Variants in EXOC6 observed in about 807,000 individuals in gnomAD.
EXOC6 encodes SEC15-like 1.
A neutral mutation model predicts 112.5 loss-of-function variants in EXOC6; 60 were observed. That is an observed-to-expected ratio of 0.53 (90% CI 0.43 to 0.66). EXOC6 has a LOEUF of 0.66. EXOC6 is among the 30% of genes least tolerant of loss of function. The pLI is 0.00. For synonymous variants in EXOC6, 295 were observed against 308.0 expected, an observed-to-expected ratio of 0.96 and a Z score of 0.44; for missense variants, 855 against 957.1, an observed-to-expected ratio of 0.89 and a Z score of 1.41.
Position 92,909,587 on chromosome 10 carries a change from A to G in EXOC6, c.619A>G (p.Ile207Val), listed in dbSNP as rs1181418918. Residue 207 changes from isoleucine (I) to valine (V), a missense_variant, in exon 6 of 22, where the codon ATT becomes GTT. Ile to Val is a conservative substitution (Grantham distance 29, BLOSUM62 3). Coordinates refer to ENST00000260762, the MANE Select transcript of EXOC6 (RefSeq NM_019053.6). The part of the protein sequence containing the change: ...MSDLKDFLES[I>V]RKHSDKIGET... ...TGATCTCAAAGACTTTTTGGAAAGT[A>G]TTCGAAAACATTCTGACAAAATAGG... is the stretch of plus-strand genomic sequence containing the variant. 6.2e-7 allele frequency: 1 copy of G among 1,612,406 alleles called. No individual in the cohort carries two copies. Among genetic ancestry groups the G allele is most frequent in the Non-Finnish European group, 8.5e-7 (1 of 1,179,104 alleles).
intron 18 of EXOC6, among the ~76,000 whole-genome samples, chr10:92,975,210 G>A (rs1842469395): frequency 6.8e-6 from 1 of 146,588 alleles, no homozygotes; most frequent in African/African-American, 2.6e-5. Flanking sequence ...GAGCGCCTCT[G>A]CCCCGCCACC....
At chr10:92,926,875 A>G (rs1031618457) in intron 8 of EXOC6, among the ~76,000 whole-genome samples, 4 of 152,120 alleles carry the variant, frequency 2.6e-5, no homozygotes, top group Non-Finnish European at 4.4e-5. Flanking sequence ...TGTTTAAATG[A>G]GGATTTAGCA....
rs183415651 is a variant in EXOC6 at position 92,977,941 on chromosome 10, A to C, written c.1953+3709A>C. On this transcript the variant is annotated intron_variant, in intron 18 of 21. Transcript: ENST00000260762. ...CCTGGTCTAACTAGATCACTCATCT[A>C]TCTGTTACGACATTTTGTATGGCTT... Among the ~76,000 whole-genome samples the C allele has an allele frequency of 3.2e-3, 485 of 152,266 alleles. 5 individuals are homozygous for C. Among genetic ancestry groups the C allele is most frequent in the African/African-American group, 0.011 (464 of 41,566 alleles).
Position 93,008,439 on chromosome 10 carries a change from C to T in EXOC6, c.2096-5755C>T, listed in dbSNP as rs1472562882. Among the ~76,000 whole-genome samples the T allele has an allele frequency of 2.6e-5, 4 of 151,988 alleles. No homozygotes were observed. In the East Asian group the frequency reaches 5.8e-4, roughly 22 times the overall value. Reference sequence around the variant, plus strand: ...CATGGCTAAATGACAAAAACAAAGACACCATAATAGGGGGGGAAGTGGGCA... The same window carrying T: ...CATGGCTAAATGACAAAAACAAAGATACCATAATAGGGGGGGAAGTGGGCA... On this transcript the variant is annotated intron_variant, in intron 19 of 21. Transcript: ENST00000260762.
At chr10:92,952,223 A>G (rs375756832) in intron 14 of EXOC6, 50 bp from the exon 15 acceptor site, 20 of 1,134,044 alleles carry the variant, frequency 1.8e-5, no homozygotes, top group Admixed American at 3.9e-5. Flanking sequence ...AGTGATTAGC[A>G]TGTCTTTTTC....
chr10:93,002,180 C>G (rs994503769), intron 19 of EXOC6, among the ~76,000 whole-genome samples: 4 of 151,772 alleles, frequency 2.6e-5, no homozygotes, highest in Non-Finnish European at 5.9e-5. Flanking sequence ...TTTTCTTATC[C>G]TATATATATA....
At chr10:92,931,155 A>G (rs1852012705) in intron 9 of EXOC6, among the ~76,000 whole-genome samples, 1 of 151,542 alleles carries the variant, frequency 6.6e-6, no homozygotes. Context: ...GGAAAAGGCA[A>G]GATATGGACT....
chr10:93,010,552 A>G (rs1345964103), intron 19 of EXOC6, among the ~76,000 whole-genome samples: 10 of 152,048 alleles, frequency 6.6e-5, no homozygotes, highest in African/African-American at 2.4e-4. Context: ...TACAAAAATT[A>G]GCCGGGCATG....
At chr10:92,914,884 T>C (rs1226405306) in intron 6 of EXOC6, among the ~76,000 whole-genome samples, 1 of 152,214 alleles carries the variant, frequency 6.6e-6, no homozygotes, top group African/African-American at 2.4e-5. Flanking sequence ...GTAAGGAAAT[T>C]AAAATCCTGG....
chr10:92,849,110 C>T (rs1035040216), intron 1 of EXOC6, among the ~76,000 whole-genome samples: 1 of 152,096 alleles, frequency 6.6e-6, no homozygotes, highest in African/African-American at 2.4e-5. Flanking sequence ...CGCCGGGCTG[C>T]CGCGGGCGTG....
intron 14 of EXOC6, among the ~76,000 whole-genome samples, chr10:92,949,890 C>G (rs918886835): frequency 6.6e-6 from 1 of 152,086 alleles, no homozygotes; most frequent in African/African-American, 2.4e-5. Context: ...GCCACTGTAC[C>G]TGGCTGCTTG....
At chr10:92,891,136 GGGGTTT>G (rs1450433326) in intron 1 of EXOC6, among the ~76,000 whole-genome samples, 1 of 152,200 alleles carries the variant, frequency 6.6e-6, no homozygotes, top group Admixed American at 6.5e-5. Context: ...CTAGAAAAGT[GGGGTTT>G]ACTGAGATGA....
intron 20 of EXOC6, among the ~76,000 whole-genome samples, chr10:93,051,419 G>A (rs1846287797): frequency 6.6e-6 from 1 of 152,184 alleles, no homozygotes; most frequent in South Asian, 2.1e-4. Context: ...GGGTGAAGGT[G>A]CATCAGATCC....
rs1415375327 is a variant in EXOC6 at position 92,884,373 on chromosome 10, T to G, written c.102-8976T>G. On this transcript the variant is annotated intron_variant, in intron 1 of 21. Coordinates refer to ENST00000260762, the MANE Select transcript of EXOC6 (RefSeq NM_019053.6). ...TTGTTTTTTCTTAAAAGCAGTTGAT[T>G]GACATTTAGTAAAATACATGGGAAA... Among the ~76,000 whole-genome samples, 3 of 152,230 alleles carry G rather than the reference T, an allele frequency of 2.0e-5. 1 individual carries two copies. Among genetic ancestry groups the G allele is most frequent in the East Asian group, 1.9e-4 (1 of 5,204 alleles).
At position 92,837,420 on chromosome 10, in the gene EXOC6, T is replaced by C. The variant is rs111677132; in HGVS notation, c.86+2596T>C. Among the ~76,000 whole-genome samples the C allele has an allele frequency of 8.7e-3, 1,319 of 152,312 alleles. 11 individuals carry two copies. Among genetic ancestry groups the C allele is most frequent in the Non-Finnish European group, 0.012 (834 of 68,028 alleles). ...ATGCAGTGGCTCATGCCTGTAATCCTAGCACTTTGGGAGGCTGAGGTGGGA... is the reference window on the plus strand; with the variant it reads ...ATGCAGTGGCTCATGCCTGTAATCCCAGCACTTTGGGAGGCTGAGGTGGGA... On this transcript the variant is annotated intron_variant, in intron 1 of 21. Coordinates refer to the EXOC6 transcript ENST00000371552.
intron 5 of EXOC6, 66 bp downstream of exon 5, chr10:92,899,710 A>G: frequency 8.8e-7 from 1 of 1,140,570 alleles, no homozygotes; most frequent in East Asian, 2.4e-5. Flanking sequence ...GGACAGATAC[A>G]TTTACTATAA....
At chr10:92,865,419 C>A (rs1589725427) in intron 1 of EXOC6, among the ~76,000 whole-genome samples, 1 of 151,910 alleles carries the variant, frequency 6.6e-6, no homozygotes, top group Non-Finnish European at 1.5e-5. Flanking sequence ...GCCTGTAATC[C>A]CAGCTGCTTA....
At chr10:92,874,159 CA>C (rs1455613812) in intron 1 of EXOC6, among the ~76,000 whole-genome samples, 2 of 152,042 alleles carry the variant, frequency 1.3e-5, no homozygotes, top group Admixed American at 6.6e-5. Flanking sequence ...TCTGTAGCTA[CA>C]GGCTATAGCA....
chr10:92,917,802 AGTGCT>A (rs908584086), intron 7 of EXOC6, among the ~76,000 whole-genome samples: 56 of 152,270 alleles, frequency 3.7e-4, no homozygotes, highest in African/African-American at 1.3e-3. Context: ...AGCCTTCCAA[AGTGCT>A]GAGATTACAG....
Sources: gnomAD v4.1 joint callset for allele counts (sites outside exome capture counted in the v4.1 genomes callset) on GRCh38, gnomAD v4.1.1 for gene constraint, MANE v1.5 for transcripts, NCBI Gene and HGNC (gene_info 2026-07-23, HGNC 2026-07-21) for gene names.